The following GCNT2 variants were observed in gnomAD, a reference collection of about 807,000 sequenced individuals.
GCNT2 encodes the protein glucosaminyl (N-acetyl) transferase 2 (I blood group), also known as N-acetyllactosaminide beta-1,6-N-acetylglucosaminyl-transferase.
In GCNT2, 34 loss-of-function variants were observed where a neutral mutation model predicts 34.2. That is an observed-to-expected ratio of 1.00 (90% CI 0.76 to 1.32). The LOEUF (loss-of-function observed/expected upper bound fraction) is 1.32. Among genes scored for constraint, GCNT2 ranks in the 40% most tolerant of loss-of-function variants. The probability of loss-of-function intolerance (pLI) is 0.00; values close to 1 mark genes in which losing one functional copy is unlikely to be tolerated. For synonymous variants in GCNT2, 212 were observed against 188.0 expected (o/e 1.13, Z -1.04); for missense variants, 584 against 489.4 (o/e 1.19, Z -1.82).
intron 3 of GCNT2, among the ~76,000 whole-genome samples, chr6:10,590,617 G>A (rs1490921458): frequency 3.3e-5 from 5 of 150,686 alleles, no homozygotes; most frequent in East Asian, 2.0e-4. Context: ...GCAGTGGCGC[G>A]ATCTCAGCTC....
chr6:10,615,575 A>G (rs1445870002), intron 3 of GCNT2, among the ~76,000 whole-genome samples: 1 of 152,150 alleles, frequency 6.6e-6, no homozygotes, highest in Non-Finnish European at 1.5e-5. Flanking sequence ...GTTACAGGAA[A>G]GGGATCCCGA....
rs1443729307 is a variant in GCNT2, at chr6:10,529,187, G to C, written c.276G>C (p.Glu92Asp). Residue 92 changes from glutamate (E) to aspartate (D), a missense_variant, in exon 3 of 5, where the codon GAG becomes GAC. Transcript: ENST00000495262. Reference protein sequence around the residue: ...HYVTETLSEEEAGFPLAYTVT... With the variant: ...HYVTETLSEEDAGFPLAYTVT... The stretch of plus-strand genomic sequence containing the variant: ...TAACAGAAACACTCTCTGAAGAAGA[G>C]GCTGGGTTCCCTTTAGCTTACACAG... The C allele has an allele frequency of 1.7e-5, 28 of 1,614,052 alleles. No individual in the cohort carries two copies. Among genetic ancestry groups the C allele is most frequent in the Non-Finnish European group, 2.4e-5 (28 of 1,180,032 alleles).
intron 3 of GCNT2, among the ~76,000 whole-genome samples, chr6:10,577,825 G>C (rs1763887309): frequency 6.6e-6 from 1 of 152,120 alleles, no homozygotes; most frequent in African/African-American, 2.4e-5. Flanking sequence ...ACAGGCGTGA[G>C]CTGCTGCACC....
rs183281090 is a variant in GCNT2 at position 10,626,843 on chromosome 6, A to G, written c.*236A>G. Reference sequence around the variant, plus strand: ...CCAATTTTAGTCTTGCTGTTTCTTGATGCTCACCTCTATATTAGTTTATTG... The same window carrying G: ...CCAATTTTAGTCTTGCTGTTTCTTGGTGCTCACCTCTATATTAGTTTATTG... On this transcript the variant is annotated 3_prime_UTR_variant, in exon 5 of 5. Coordinates refer to ENST00000495262, the MANE Select transcript of GCNT2 (RefSeq NM_145649.5). 17 of 545,552 alleles carry G rather than the reference A, an allele frequency of 3.1e-5. No individual in the cohort carries two copies. In the East Asian group the frequency reaches 5.4e-4, roughly 17 times the overall value. 33.8% of individuals were successfully genotyped at this position (545,552 alleles called of 1,614,324 possible). A position where few individuals can be genotyped will look rare whatever the true frequency, so the allele number is the denominator to read the frequency against.
chr6:10,566,981 A>G (rs1364185308), intron 3 of GCNT2, among the ~76,000 whole-genome samples: 2 of 152,206 alleles, frequency 1.3e-5, no homozygotes, highest in Non-Finnish European at 2.9e-5. Flanking sequence ...TCGTCTGCTC[A>G]AACGAACTTC....
At chr6:10,593,520 T>C (rs1764731802) in intron 3 of GCNT2, among the ~76,000 whole-genome samples, 1 of 152,124 alleles carries the variant, frequency 6.6e-6, no homozygotes, top group African/African-American at 2.4e-5. Flanking sequence ...AAATTTTGTG[T>C]AGAGATGGGA....
intron 3 of GCNT2, among the ~76,000 whole-genome samples, chr6:10,606,315 G>C (rs1561833629): frequency 6.6e-6 from 1 of 152,002 alleles, no homozygotes; most frequent in South Asian, 2.1e-4. Flanking sequence ...GCTCCTTCTT[G>C]TCAGGTTTGC....
At chr6:10,533,395 G>A (rs1161331690) in intron 3 of GCNT2, among the ~76,000 whole-genome samples, 4 of 152,122 alleles carry the variant, frequency 2.6e-5, no homozygotes, top group Non-Finnish European at 5.9e-5. Context: ...CTGCCCAATA[G>A]GAATGCTATA....
intron 3 of GCNT2, among the ~76,000 whole-genome samples, chr6:10,579,080 G>A (rs570189068): frequency 6.6e-6 from 1 of 152,292 alleles, no homozygotes; most frequent in African/African-American, 2.4e-5. Flanking sequence ...TGTGAGAAGA[G>A]TGTGTTTCTA....
At chr6:10,626,301 C>A (rs141356453) in intron 4 of GCNT2, 116 bp from the exon 5 acceptor site, 9 of 778,586 alleles carry the variant, frequency 1.2e-5, no homozygotes, top group Admixed American at 3.8e-5. Context: ...TCATTTGAAT[C>A]CTGTACCATT....
chr6:10,574,631 A>T (rs973411260), intron 3 of GCNT2: 22 of 258,618 alleles, frequency 8.5e-5, no homozygotes, highest in Non-Finnish European at 1.6e-4. Context: ...AGATCAGTGA[A>T]CTATAGACCA....
intron 3 of GCNT2, among the ~76,000 whole-genome samples, chr6:10,537,996 C>T (rs374092021): frequency 6.6e-6 from 1 of 152,168 alleles, no homozygotes; most frequent in African/African-American, 2.4e-5. Flanking sequence ...CCACTGCTAG[C>T]ATCATGAGAG....
chr6:10,587,423 G>A (rs1252605337), intron 3 of GCNT2, among the ~76,000 whole-genome samples: 1 of 152,122 alleles, frequency 6.6e-6, no homozygotes, highest in African/African-American at 2.4e-5. Flanking sequence ...AAACATCTCT[G>A]GTTTAAGATC....
chr6:10,557,202 TTGGCTCTGCCTATG>T, intron 3 of GCNT2: 1 of 1,564,938 alleles, frequency 6.4e-7, no homozygotes, highest in Non-Finnish European at 8.6e-7. Flanking sequence ...ACAATTTACT[TTGGCTCTGCCTATG>T]TGGCTCTATC....
intron 3 of GCNT2, among the ~76,000 whole-genome samples, chr6:10,541,016 C>T (rs1287406834): frequency 2.0e-5 from 3 of 152,112 alleles, no homozygotes; most frequent in African/African-American, 7.2e-5. Context: ...TTTTTGTTTT[C>T]TTTCTATTTT....
Position 10,605,147 on chromosome 6 carries a change from TAAAACAA to T in GCNT2, c.926-16190_926-16184del, listed in dbSNP as rs567546862. Among the ~76,000 whole-genome samples the T allele has an allele frequency of 1.7e-4, 25 of 150,562 alleles. No homozygotes were observed. In the East Asian group the frequency reaches 2.5e-3, roughly 15 times the overall value. ...GAGACAGAGTGAGATCCTATCTCTTTAAAACAAAAAACAAAAAACAGGTGTTCTCAAC... is the reference window on the plus strand; with the variant it reads ...GAGACAGAGTGAGATCCTATCTCTTTAAAACAAAAAACAGGTGTTCTCAAC... On this transcript the variant is annotated intron_variant, in intron 3 of 4. Transcript: ENST00000495262.
At chr6:10,625,518 TA>T (rs572557483) in intron 4 of GCNT2, among the ~76,000 whole-genome samples, 16,051 of 144,996 alleles carry the variant, frequency 0.11, 892 homozygotes, top group African/African-American at 0.16. Context: ...CTATTGAGGT[TA>T]AAAAAAAAAA....
chr6:10,608,985 G>T (rs1765440512), intron 3 of GCNT2, among the ~76,000 whole-genome samples: 1 of 152,212 alleles, frequency 6.6e-6, no homozygotes, highest in Admixed American at 6.5e-5. Flanking sequence ...AAACCCCGGT[G>T]AATTGTTGTC....
rs966784450 is a variant in GCNT2, at chr6:10,525,644, CT to C, written c.-468-1823del. Among the ~76,000 whole-genome samples the C allele has an allele frequency of 2.3e-4, 35 of 152,118 alleles. 1 individual carries two copies. The highest frequency in any genetic ancestry group is 5.9e-5 in the Non-Finnish European group (4 of 68,014). ...AAAAGGAAATAGGTTCATATTAATTCTTTTTTTAAATGTCTAGCATTGTCAA... is the reference window on the plus strand; with the variant it reads ...AAAAGGAAATAGGTTCATATTAATTCTTTTTTAAATGTCTAGCATTGTCAA... On this transcript the variant is annotated intron_variant, in intron 1 of 4. Coordinates refer to ENST00000495262, the MANE Select transcript of GCNT2 (RefSeq NM_145649.5).
Sources: gnomAD v4.1 joint callset for allele counts (sites outside exome capture counted in the v4.1 genomes callset) on GRCh38, gnomAD v4.1.1 for gene constraint, MANE v1.5 for transcripts, NCBI Gene and HGNC (gene_info 2026-07-23, HGNC 2026-07-21) for gene names.